The following GPC6 variants were observed in gnomAD, a reference collection of about 807,000 sequenced individuals.
GPC6 encodes the protein glypican 6, also known as glypican-6.
A neutral mutation model predicts 55.2 loss-of-function variants in GPC6; 14 were observed. The ratio of observed to expected loss-of-function variants is 0.25; its 90% confidence interval spans 0.17 to 0.40. The LOEUF (loss-of-function observed/expected upper bound fraction) is 0.40. GPC6 is among the 10% of genes least tolerant of loss of function. The probability of loss-of-function intolerance (pLI) is 1.00; values close to 1 mark genes in which losing one functional copy is unlikely to be tolerated. For synonymous variants in GPC6, 278 were observed against 259.6 expected (o/e 1.07, Z -0.68); for missense variants, 641 against 708.5 (o/e 0.90, Z 1.08).
chr13:94,071,929 A>C (rs1052643044), intron 4 of GPC6, among the ~76,000 whole-genome samples: 1 of 152,250 alleles, frequency 6.6e-6, no homozygotes, highest in African/African-American at 2.4e-5. Context: ...ATTTTCATAC[A>C]GATAGACTTT....
intron 4 of GPC6, among the ~76,000 whole-genome samples, chr13:94,154,970 C>G (rs555097518): frequency 6.6e-6 from 1 of 152,288 alleles, no homozygotes; most frequent in South Asian, 2.1e-4. Context: ...TTCTCAGCCA[C>G]CTTTGTGGCT....
At chr13:93,368,374 TTCCTTCCTTCCTTCCG>T (rs1300605130) in intron 1 of GPC6, among the ~76,000 whole-genome samples, 56 of 118,412 alleles carry the variant, frequency 4.7e-4, no homozygotes, top group South Asian at 4.2e-3. Flanking sequence ...CCTTCCTTCC[TTCCTTCCTTCCTTCCG>T]TCCTTCCTTC....
In GPC6 at chr13:94,099,562, G is replaced by T. The variant is rs560001614; in HGVS notation, c.877+71668G>T. On this transcript the variant is annotated intron_variant, in intron 4 of 8. Coordinates refer to ENST00000377047, the MANE Select transcript of GPC6 (RefSeq NM_005708.5). ...TACTTCCTATTTCTTCTCATCTACT[G>T]CTGCGCCAATTTGAAACTAGTTTTT... Among the ~76,000 whole-genome samples, 6 of 152,170 alleles carry T rather than the reference G, an allele frequency of 3.9e-5. No homozygotes were observed. The South Asian group carries it at 1.2e-3, about 32-fold the overall frequency.
In GPC6 at chr13:94,286,354, A is replaced by G. The variant is rs776069396; in HGVS notation, c.883A>G (p.Met295Val). The G allele has an allele frequency of 8.1e-6, 13 of 1,613,710 alleles. No individual in the cohort carries two copies. The highest frequency in any genetic ancestry group is 2.7e-5 in the African/African-American group (2 of 74,920). Residue 295 changes from methionine to valine, a missense_variant, in exon 5 of 9, where the codon ATG (methionine) becomes GTG (valine). Coordinates refer to ENST00000377047, the MANE Select transcript of GPC6 (RefSeq NM_005708.5). ...ATGTTCCTGTATTTTAACAGATGCA[A>G]TGCTCTTGGTGGCAGAGCGACTGGA... is the stretch of plus-strand genomic sequence containing the variant. ...DTEWNLFIDA[M>V]LLVAERLEGP... is the part of the protein sequence containing the mutation.
At chr13:93,986,235 C>A (rs1170591310) in intron 3 of GPC6, among the ~76,000 whole-genome samples, 1 of 152,158 alleles carries the variant, frequency 6.6e-6, no homozygotes, top group Admixed American at 6.5e-5. Flanking sequence ...AAGTTACTCA[C>A]TCTATTTGCT....
chr13:93,650,537 A>C (rs1346672597), intron 2 of GPC6, among the ~76,000 whole-genome samples: 1 of 152,244 alleles, frequency 6.6e-6, no homozygotes, highest in African/African-American at 2.4e-5. Context: ...GGGAACACAG[A>C]GATGAAAAAA....
intron 2 of GPC6, among the ~76,000 whole-genome samples, chr13:93,660,996 T>C (rs1374248919): frequency 6.6e-6 from 1 of 152,148 alleles, no homozygotes; most frequent in Non-Finnish European, 1.5e-5. Flanking sequence ...GTCTCTGCAG[T>C]GAGCAGACTA....
intron 4 of GPC6, among the ~76,000 whole-genome samples, chr13:94,252,446 G>A (rs8002895): frequency 0.72 from 108,873 of 151,994 alleles, 40,003 homozygotes; most frequent in African/African-American, 0.89. Context: ...CAATAAAAGG[G>A]GATTTTTATT....
intron 2 of GPC6, among the ~76,000 whole-genome samples, chr13:93,760,830 A>C (rs1271216072): frequency 1.3e-5 from 2 of 152,220 alleles, no homozygotes; most frequent in Non-Finnish European, 2.9e-5. Flanking sequence ...TTTGAATTGC[A>C]ACTGCTCAGC....
At chr13:94,090,949 A>G (rs1421587406) in intron 4 of GPC6, among the ~76,000 whole-genome samples, 3 of 152,154 alleles carry the variant, frequency 2.0e-5, no homozygotes, top group Non-Finnish European at 4.4e-5. Context: ...TAGGACCTCA[A>G]AATTGAAAGT....
At chr13:93,861,676 T>C (rs991886341) in intron 3 of GPC6, among the ~76,000 whole-genome samples, 76 of 151,614 alleles carry the variant, frequency 5.0e-4, no homozygotes, top group Non-Finnish European at 4.4e-5. Context: ...TTTCATTATC[T>C]CATGTTGTCT....
intron 7 of GPC6, among the ~76,000 whole-genome samples, chr13:94,393,231 T>C (rs1318043442): frequency 6.6e-6 from 1 of 152,168 alleles, no homozygotes; most frequent in African/African-American, 2.4e-5. Context: ...TGCTATATAT[T>C]ACATCGTATC....
chr13:93,731,457 G>A (rs1055892945), intron 2 of GPC6, among the ~76,000 whole-genome samples: 2 of 152,110 alleles, frequency 1.3e-5, no homozygotes, highest in Non-Finnish European at 2.9e-5. Flanking sequence ...CAGACTGCTG[G>A]AAATTAGCTT....
chr13:93,979,238 T>G (rs1360367421), intron 3 of GPC6, among the ~76,000 whole-genome samples: 1 of 151,696 alleles, frequency 6.6e-6, no homozygotes, highest in Non-Finnish European at 1.5e-5. Flanking sequence ...ATAGCCACAT[T>G]TGGCTGGTGG....
intron 2 of GPC6, among the ~76,000 whole-genome samples, chr13:93,680,096 C>T (rs1284730104): frequency 6.6e-6 from 1 of 152,110 alleles, no homozygotes; most frequent in African/African-American, 2.4e-5. Flanking sequence ...ATTCCCAGTA[C>T]CTCAGAATGT....
Position 93,531,305 on chromosome 13 carries a change from G to A in GPC6, c.161-13958G>A, listed in dbSNP as rs981516622. Among the ~76,000 whole-genome samples, 4 of 151,564 alleles carry A rather than the reference G, an allele frequency of 2.6e-5. No individual in the cohort carries two copies. In the East Asian group the frequency reaches 7.7e-4, roughly 29 times the overall value. The stretch of plus-strand genomic sequence containing the variant: ...TGATATATAATATATATGATAGAGG[G>A]AGAAAAGGCTTTATTTTAAGGAATT... On this transcript the variant is annotated intron_variant, in intron 1 of 8. Transcript: ENST00000377047.
rs1301530006 is a variant in GPC6, at chr13:93,458,227, G to A, written c.161-87036G>A. 2.6e-5 allele frequency among the ~76,000 whole-genome samples: 4 copies of A among 152,152 alleles called. 1 individual carries two copies. The South Asian group carries it at 8.3e-4, about 31-fold the overall frequency. On this transcript the variant is annotated intron_variant, in intron 1 of 8. Transcript: ENST00000377047. ...TGCTCAGGAGAGACACAGTTACACA[G>A]TAACTTTCTATATGGTCTTTAGCTT... is the stretch of plus-strand genomic sequence containing the variant.
intron 6 of GPC6, among the ~76,000 whole-genome samples, chr13:94,347,690 A>G (rs1878358941): frequency 6.6e-6 from 1 of 152,242 alleles, no homozygotes; most frequent in Non-Finnish European, 1.5e-5. Context: ...CTTACTCACT[A>G]TGATTTATTC....
chr13:94,398,819 C>T (rs183801918), intron 8 of GPC6, among the ~76,000 whole-genome samples, 178 bp downstream of exon 8: 14 of 152,170 alleles, frequency 9.2e-5, no homozygotes, highest in Non-Finnish European at 1.5e-4. Context: ...ACATAGGATA[C>T]GAATAAAATC....
Sources: allele counts gnomAD v4.1 joint callset (sites outside exome capture counted in the v4.1 genomes callset), GRCh38; gene constraint gnomAD v4.1.1; transcripts MANE v1.5; gene names NCBI Gene and HGNC (gene_info 2026-07-23, HGNC 2026-07-21).